ZMYND8: variants seen among roughly 807,000 people sequenced by gnomAD.
The protein encoded by ZMYND8 is zinc finger MYND-type containing 8, also known as MYND-type zinc finger-containing chromatin reader ZMYND8.
A neutral mutation model predicts 140.8 loss-of-function variants in ZMYND8; 37 were observed. The ratio of observed to expected loss-of-function variants is 0.26; its 90% CI spans 0.20 to 0.35. The LOEUF (loss-of-function observed/expected upper bound fraction) is 0.35. Ranked by LOEUF, ZMYND8 falls within the 10% of genes least tolerant of loss-of-function variation. The pLI, the probability that ZMYND8 is intolerant of heterozygous loss-of-function variation, is 1.00. For synonymous variants in ZMYND8, 592 were observed against 597.1 expected (o/e 0.99, Z 0.12); for missense variants, 1,068 against 1,570.0 (o/e 0.68, Z 5.40).
chr20:47,351,756 C>A, intron 1 of ZMYND8: 1 of 985,402 alleles, frequency 1.0e-6, no homozygotes, highest in South Asian at 4.7e-5. Flanking sequence ...ATGCAGGATT[C>A]TTAAAATGGC....
At chr20:47,254,455 C>T (rs1490962526) in intron 12 of ZMYND8, among the ~76,000 whole-genome samples, 5 of 152,078 alleles carry the variant, frequency 3.3e-5, no homozygotes, top group Admixed American at 6.5e-5. Flanking sequence ...AGAAGCGTAG[C>T]GTCAGTAAGT....
At chr20:47,300,958 G>A (rs1461727574) in intron 3 of ZMYND8, among the ~76,000 whole-genome samples, 2 of 150,882 alleles carry the variant, frequency 1.3e-5, no homozygotes, top group Non-Finnish European at 2.9e-5. Flanking sequence ...TTTTTGTAGA[G>A]ACAGGGTTTC....
At chr20:47,218,192 G>A (rs975070284) in intron 21 of ZMYND8, among the ~76,000 whole-genome samples, 15 of 152,118 alleles carry the variant, frequency 9.9e-5, no homozygotes, top group African/African-American at 3.1e-4. Context: ...AATGGAATAC[G>A]ATGCCTCTCC....
chr20:47,264,228 C>T (rs890924946), intron 11 of ZMYND8, among the ~76,000 whole-genome samples: 2 of 152,182 alleles, frequency 1.3e-5, no homozygotes, highest in African/African-American at 4.8e-5. Context: ...CAATTGGCGC[C>T]GAGCAAGTGC....
At position 47,261,343 on chromosome 20, in the gene ZMYND8, C is replaced by T. The variant is rs375020706; in HGVS notation, c.1621+945G>A. ...CTTGAGGCCAAGAGTTCAAGACCAG[C>T]CTGGGCAACACAGCAAGACCCAATC... On this transcript the variant is annotated intron_variant, in intron 12 of 22. Transcript: ENST00000471951. Among the ~76,000 whole-genome samples, 693 of 152,148 alleles carry T rather than the reference C, an allele frequency of 4.6e-3. 4 individuals are homozygous for T. Among genetic ancestry groups the T allele is most frequent in the African/African-American group, 0.016 (667 of 41,488 alleles).
chr20:47,230,962 T>G (rs932280577), intron 16 of ZMYND8, among the ~76,000 whole-genome samples: 7 of 152,242 alleles, frequency 4.6e-5, no homozygotes, highest in Non-Finnish European at 8.8e-5. Flanking sequence ...CCTCTGTGAC[T>G]CGCGCATCCG....
intron 16 of ZMYND8, among the ~76,000 whole-genome samples, chr20:47,232,906 G>GT (rs758568932): frequency 4.0e-4 from 49 of 123,396 alleles, no homozygotes; most frequent in Admixed American, 8.9e-4. Context: ...TGTTTTTTTT[G>GT]TTTTTTTTTT....
intron 19 of ZMYND8, 60 bp downstream of exon 19, chr20:47,224,257 G>A (rs1478311692): frequency 1.1e-5 from 17 of 1,604,752 alleles, no homozygotes; most frequent in East Asian, 2.2e-5. Context: ...GAAGTCCACA[G>A]GGGAGACCAA....
chr20:47,226,920 C>A (rs1273729437), intron 18 of ZMYND8, among the ~76,000 whole-genome samples: 1 of 152,146 alleles, frequency 6.6e-6, no homozygotes, highest in Non-Finnish European at 1.5e-5. Flanking sequence ...TCTGGGCCTC[C>A]CAAAGCGCTG....
chr20:47,228,083 ACT>A (rs1472165832), intron 17 of ZMYND8, among the ~76,000 whole-genome samples: 11 of 144,888 alleles, frequency 7.6e-5, no homozygotes, highest in Non-Finnish European at 1.6e-4. Flanking sequence ...ACAGAGCGAG[ACT>A]CTTCTCAAAA....
At chr20:47,286,566 G>A (rs922756835) in intron 8 of ZMYND8, among the ~76,000 whole-genome samples, 2 of 152,140 alleles carry the variant, frequency 1.3e-5, no homozygotes, top group Non-Finnish European at 2.9e-5. Context: ...ACATGGATGG[G>A]TCCCAGTGCT....
intron 11 of ZMYND8, among the ~76,000 whole-genome samples, chr20:47,266,831 G>T (rs989093648): frequency 1.3e-5 from 2 of 152,112 alleles, no homozygotes; most frequent in African/African-American, 4.8e-5. Flanking sequence ...GTGTGTGTGT[G>T]GTGTGTGGTG....
At chr20:47,285,490 A>T (rs1285819830) in intron 8 of ZMYND8, among the ~76,000 whole-genome samples, 1 of 152,230 alleles carries the variant, frequency 6.6e-6, no homozygotes, top group Non-Finnish European at 1.5e-5. Flanking sequence ...CTAAAATCAC[A>T]GTAAGATGCC....
At chr20:47,279,252 G>A (rs541411198) in intron 10 of ZMYND8, among the ~76,000 whole-genome samples, 1 of 152,114 alleles carries the variant, frequency 6.6e-6, no homozygotes, top group East Asian at 1.9e-4. Context: ...GGAGGATCAC[G>A]TGAGGTCAGG....
At chr20:47,317,813 G>A (rs1212530627) in intron 2 of ZMYND8, among the ~76,000 whole-genome samples, 2 of 152,142 alleles carry the variant, frequency 1.3e-5, no homozygotes, top group Non-Finnish European at 2.9e-5. Flanking sequence ...GAACCTGGCT[G>A]TGCTCTCCCC....
At chr20:47,303,194 G>A (rs1230778081) in intron 3 of ZMYND8, among the ~76,000 whole-genome samples, 1 of 152,092 alleles carries the variant, frequency 6.6e-6, no homozygotes, top group Non-Finnish European at 1.5e-5. Flanking sequence ...TGGGTGAGGA[G>A]CAGCAGGAAG....
intron 12 of ZMYND8, among the ~76,000 whole-genome samples, chr20:47,252,547 G>A (rs748519088): frequency 3.3e-5 from 5 of 152,066 alleles, no homozygotes; most frequent in African/African-American, 7.2e-5. Flanking sequence ...ATTCATCAGT[G>A]TCCTCAATAT....
intron 18 of ZMYND8, 50 bp from the exon 19 acceptor site, chr20:47,224,606 G>A: frequency 1.2e-6 from 2 of 1,603,758 alleles, no homozygotes; most frequent in East Asian, 2.2e-5. Flanking sequence ...CCAGCCTGGG[G>A]TGTGGGGTTA....
At chr20:47,355,563 ATT>A in intron 1 of ZMYND8, 1 of 906,656 alleles carries the variant, frequency 1.1e-6, no homozygotes, top group Non-Finnish European at 1.3e-6. Context: ...ACATGGTATT[ATT>A]AAAAACACAC....
Sources: gnomAD v4.1 joint callset for allele counts (sites outside exome capture counted in the v4.1 genomes callset) on GRCh38, gnomAD v4.1.1 for gene constraint, MANE v1.5 for transcripts, NCBI Gene and HGNC (gene_info 2026-07-23, HGNC 2026-07-21) for gene names.